The following NIPBL variants were observed in gnomAD, a reference collection of about 807,000 sequenced individuals.
NIPBL encodes the protein nipped-B-like protein.
NIPBL carries 19 observed loss-of-function variants against 321.8 expected under a neutral mutation model. The observed-to-expected ratio is 0.06, with a 90% CI of 0.04 to 0.09. NIPBL has a LOEUF of 0.09. NIPBL is among the 10% of genes least tolerant of loss of function. The pLI is 1.00. For missense variants in NIPBL, 2,210 were observed against 3,327.0 expected (o/e 0.66, Z 8.26); for synonymous variants, 1,106 against 1,114.1 (o/e 0.99, Z 0.14).
At chr5:36,988,348 G>A (rs971932411) in intron 10 of NIPBL, among the ~76,000 whole-genome samples, 3 of 152,020 alleles carry the variant, frequency 2.0e-5, no homozygotes, top group African/African-American at 4.8e-5. Flanking sequence ...GTGTACATGT[G>A]CATGTTTGTG....
In NIPBL at chr5:36,911,766, T is replaced by G. The variant is rs563776845; in HGVS notation, c.-80+34588T>G. On this transcript the variant is annotated intron_variant, in intron 1 of 46. Coordinates refer to ENST00000282516, the MANE Select transcript of NIPBL (RefSeq NM_133433.4). ...TCAAATGTCATTGCTCTTCTACCCC[T>G]TTAAAATGTCTTTTACCACAGAGAA... is the stretch of plus-strand genomic sequence containing the variant. Among the ~76,000 whole-genome samples the G allele has an allele frequency of 3.1e-4, 47 of 152,300 alleles. No individual in the cohort carries two copies. In the East Asian group the frequency reaches 8.5e-3, roughly 27 times the overall value.
chr5:36,973,352 T>A (rs1378546067), intron 8 of NIPBL, among the ~76,000 whole-genome samples: 9 of 151,664 alleles, frequency 5.9e-5, no homozygotes, highest in African/African-American at 2.2e-4. Flanking sequence ...TTTTTAAAAA[T>A]TTTATTTTAT....
intron 1 of NIPBL, among the ~76,000 whole-genome samples, chr5:36,935,246 A>T (rs1481775659): frequency 6.6e-6 from 1 of 152,108 alleles, no homozygotes; most frequent in Non-Finnish European, 1.5e-5. Context: ...ACTCTCCTAG[A>T]TGATTGTTTC....
chr5:37,008,842 C>T (rs1747748938), intron 20 of NIPBL, 119 bp downstream of exon 20: 1 of 689,694 alleles, frequency 1.4e-6, no homozygotes, highest in South Asian at 1.7e-5. Context: ...TAGGCAGTTA[C>T]ATCAGAACAG....
chr5:36,892,229 T>C (rs983606562), intron 1 of NIPBL, among the ~76,000 whole-genome samples: 11 of 152,078 alleles, frequency 7.2e-5, no homozygotes, highest in Non-Finnish European at 1.2e-4. Flanking sequence ...AAATCAAAAC[T>C]GCAATAAGAT....
chr5:36,974,093 A>G, intron 8 of NIPBL, among the ~76,000 whole-genome samples: 1 of 152,216 alleles, frequency 6.6e-6, no homozygotes, highest in Non-Finnish European at 1.5e-5. Flanking sequence ...ATATCCCACA[A>G]GTGTTGTCAA....
Position 37,000,471 on chromosome 5 carries a change from C to A in NIPBL, c.3403C>A (p.His1135Asn). ...GGATCATAGGAGAAGTGGCCACTCT[C>A]ATGAAGGAAGAAGGAGTTCAGGTGG... ...SGDHRRSGHS[H>N]EGRRSSGGGR... is the part of the protein sequence containing the mutation. The change falls in exon 12 of 47, where the codon CAT becomes AAT. Residue 1135 changes from histidine to asparagine, a missense_variant. Physicochemically the swap from His to Asn is moderately conservative, Grantham distance 68. This residue lies in a region of NIPBL where 381 missense variants were observed against 642.3 expected (regional missense o/e 0.59). Transcript: ENST00000282516. 6.2e-7 allele frequency: 1 copy of A among 1,613,398 alleles called. No homozygotes were observed. Among genetic ancestry groups the A allele is most frequent in the Non-Finnish European group, 8.5e-7 (1 of 1,179,558 alleles).
intron 1 of NIPBL, among the ~76,000 whole-genome samples, chr5:36,902,017 A>G (rs1429094833): frequency 1.3e-5 from 2 of 151,382 alleles, no homozygotes; most frequent in Non-Finnish European, 2.9e-5. Context: ...GTGATGTTGA[A>G]CATTTTTTTG....
At position 36,892,928 on chromosome 5, in the gene NIPBL, TTAAAG is replaced by T. The variant is rs377056936; in HGVS notation, c.-80+15753_-80+15757del. 8.9e-4 allele frequency among the ~76,000 whole-genome samples: 136 copies of T among 152,260 alleles called. 1 individual carries two copies. In the East Asian group the frequency reaches 0.014, roughly 16 times the overall value. On this transcript the variant is annotated intron_variant, in intron 1 of 46. Coordinates refer to ENST00000282516, the MANE Select transcript of NIPBL (RefSeq NM_133433.4). ...CGTTGTGCACGTGTACCCTAGAACTTTAAAGTATAATAATAATAAAAAAGTAGCAT... is the reference window on the plus strand; with the variant it reads ...CGTTGTGCACGTGTACCCTAGAACTTTATAATAATAATAAAAAAGTAGCAT...
At chr5:36,885,901 G>T in intron 1 of NIPBL, 1 of 736,122 alleles carries the variant, frequency 1.4e-6, no homozygotes, top group South Asian at 1.4e-5. Context: ...GCTCTGGGTT[G>T]ACCGTGAAGG....
rs971873369 is a variant in NIPBL at position 36,958,264 on chromosome 5, A to G, written c.358+33A>G. On this transcript the variant is annotated intron_variant, in intron 4 of 46. Coordinates refer to ENST00000282516, the MANE Select transcript of NIPBL (RefSeq NM_133433.4). ...TCTTAATAACTGAATTCCCATATCA[A>G]ACTTGTTTTATACATATTTAAATCC... 8 of 1,608,826 alleles carry G rather than the reference A, an allele frequency of 5.0e-6. No individual in the cohort carries two copies. In the African/African-American group the frequency reaches 8.0e-5, roughly 16 times the overall value.
At chr5:37,012,342 A>G (rs1580466691) in intron 21 of NIPBL, among the ~76,000 whole-genome samples, 1 of 138,670 alleles carries the variant, frequency 7.2e-6, no homozygotes. Flanking sequence ...TATCTTGGTG[A>G]TATTCTCTTT....
At chr5:37,003,381 T>A (rs771117142) in intron 16 of NIPBL, 34 bp downstream of exon 16, 1 of 1,275,770 alleles carries the variant, frequency 7.8e-7, no homozygotes, top group Non-Finnish European at 1.1e-6. Flanking sequence ...AATTTTACCC[T>A]TAATGTTATT....
At chr5:37,037,607 T>C (rs1425255634) in intron 33 of NIPBL, among the ~76,000 whole-genome samples, 6 of 150,410 alleles carry the variant, frequency 4.0e-5, no homozygotes, top group African/African-American at 7.3e-5. Context: ...GTTGTTGATA[T>C]GCTTTATATT....
chr5:36,911,293 A>G (rs1748030722), intron 1 of NIPBL, among the ~76,000 whole-genome samples: 1 of 152,184 alleles, frequency 6.6e-6, no homozygotes, highest in Non-Finnish European at 1.5e-5. Flanking sequence ...TACTAAGGGA[A>G]TGTGTTTTAT....
At chr5:36,932,790 T>TTTG (rs1561401410) in intron 1 of NIPBL, among the ~76,000 whole-genome samples, 2 of 148,956 alleles carry the variant, frequency 1.3e-5, no homozygotes, top group Admixed American at 1.3e-4. Flanking sequence ...TTTTTTTTTT[T>TTTG]TTTTTTTTTT....
At chr5:36,883,964 A>G (rs964986722) in intron 1 of NIPBL, among the ~76,000 whole-genome samples, 2 of 152,062 alleles carry the variant, frequency 1.3e-5, no homozygotes, top group Non-Finnish European at 2.9e-5. Flanking sequence ...TTCTGCGTAT[A>G]CCTCAGAAAG....
Position 36,996,707 on chromosome 5 carries a change from G to A in NIPBL, c.3304+903G>A. 3.0e-6 allele frequency: 1 copy of A among 329,782 alleles called. No homozygotes were observed. Among genetic ancestry groups the A allele is most frequent in the Non-Finnish European group, 6.0e-6 (1 of 166,266 alleles). The allele number at this position is 329,782 out of a possible 1,614,324, so 20.4% of individuals were successfully genotyped here. ...CAGACTATGGGAGATCTTCACTTGT[G>A]TGCCAACTGACTTAGTCATAATGAC... On this transcript the variant is annotated intron_variant, in intron 11 of 46. Transcript: ENST00000282516. The surrounding 1 kb of genome is among the most constrained non-coding windows in gnomAD (Gnocchi z 5.0).
intron 3 of NIPBL, 47 bp downstream of exon 3, chr5:36,955,684 C>T (rs1366235364): frequency 2.0e-6 from 3 of 1,513,700 alleles, no homozygotes; most frequent in African/African-American, 1.4e-5. Context: ...AAGTTTTGGC[C>T]TTACTAAGAG....
Sources: allele counts gnomAD v4.1 joint callset (sites outside exome capture counted in the v4.1 genomes callset), GRCh38; gene constraint gnomAD v4.1.1; regional missense constraint gnomAD v4.1.1; non-coding constraint Gnocchi (gnomAD v3.1); transcripts MANE v1.5; gene names NCBI Gene and HGNC (gene_info 2026-07-23, HGNC 2026-07-21).